MARCHF1: variants seen among roughly 807,000 people sequenced by gnomAD.
MARCHF1 encodes membrane associated ring-CH-type finger 1, also known as E3 ubiquitin-protein ligase MARCHF1.
In MARCHF1, 40 loss-of-function variants were observed where a neutral mutation model predicts 54.2. That is an observed-to-expected ratio of 0.74 (90% CI 0.57 to 0.96). The LOEUF (loss-of-function observed/expected upper bound fraction) is 0.96. Among genes scored for constraint, MARCHF1 ranks in the 40% least tolerant of loss-of-function variants. The probability of loss-of-function intolerance (pLI) is 0.00; values close to 1 mark genes in which losing one functional copy is unlikely to be tolerated. For missense variants in MARCHF1, 586 were observed against 656.5 expected (o/e 0.89, Z 1.17); for synonymous variants, 236 against 236.3 (o/e 1.00, Z 0.01).
At chr4:163,949,932 C>T (rs1752100708) in intron 3 of MARCHF1, among the ~76,000 whole-genome samples, 1 of 152,184 alleles carries the variant, frequency 6.6e-6, no homozygotes, top group Admixed American at 6.5e-5. Context: ...ACGTGGGTAC[C>T]CCCTCTCCAT....
chr4:163,531,636 T>G lies in MARCHF1; in HGVS notation c.1340-2590A>C, dbSNP rs547395537. On this transcript the variant is annotated intron_variant, in intron 9 of 9. Transcript: ENST00000514618. Reference sequence around the variant, plus strand: ...ATAATAAAAGATGATTGAGAAAGAATAAATAAAACTATCTTTGTTCACAAA... The same window carrying G: ...ATAATAAAAGATGATTGAGAAAGAAGAAATAAAACTATCTTTGTTCACAAA... Among the ~76,000 whole-genome samples, 19 of 151,828 alleles carry G rather than the reference T, an allele frequency of 1.3e-4. No individual in the cohort carries two copies. In the South Asian group the frequency reaches 3.9e-3, roughly 31 times the overall value.
intron 1 of MARCHF1, among the ~76,000 whole-genome samples, chr4:164,156,213 A>C (rs1014796007): frequency 6.6e-6 from 1 of 152,092 alleles, no homozygotes; most frequent in African/African-American, 2.4e-5. Context: ...AACTCCAAAA[A>C]ATTTTTCTCG....
chr4:163,989,053 T>A (rs971835362), intron 2 of MARCHF1: 1 of 152,158 alleles, frequency 6.6e-6, no homozygotes, highest in Admixed American at 6.5e-5. Flanking sequence ...GCTGCCGCTT[T>A]GTTTTTGTTT....
chr4:163,651,755 T>C (rs1742975079), intron 5 of MARCHF1, among the ~76,000 whole-genome samples: 1 of 151,688 alleles, frequency 6.6e-6, no homozygotes, highest in Non-Finnish European at 1.5e-5. Context: ...TTGTTACTTT[T>C]TCCTCCTTAG....
At chr4:163,746,102 C>T (rs1746353165) in intron 4 of MARCHF1, among the ~76,000 whole-genome samples, 1 of 152,216 alleles carries the variant, frequency 6.6e-6, no homozygotes, top group Non-Finnish European at 1.5e-5. Context: ...GACATAGATC[C>T]ATCTTTACAG....
chr4:164,250,593 T>C (rs1383198425), intron 1 of MARCHF1, among the ~76,000 whole-genome samples: 1 of 152,082 alleles, frequency 6.6e-6, no homozygotes, highest in East Asian at 1.9e-4. Context: ...ATGTGGCATT[T>C]TAATTATATT....
chr4:163,732,758 T>C (rs1312648722), intron 4 of MARCHF1, among the ~76,000 whole-genome samples: 1 of 152,098 alleles, frequency 6.6e-6, no homozygotes. Context: ...AACTATACTT[T>C]TACCCAGTAA....
chr4:164,181,744 TAAATA>T (rs1459755095), intron 1 of MARCHF1, among the ~76,000 whole-genome samples: 2 of 152,188 alleles, frequency 1.3e-5, no homozygotes, highest in African/African-American at 4.8e-5. Context: ...AGATTTTCTA[TAAATA>T]AAATTATTCT....
chr4:163,924,377 C>T (rs963923346), intron 3 of MARCHF1, among the ~76,000 whole-genome samples: 2 of 151,968 alleles, frequency 1.3e-5, no homozygotes, highest in African/African-American at 4.8e-5. Context: ...AAGAGGCAGA[C>T]TTGCATGTAA....
At position 164,346,086 on chromosome 4, in the gene MARCHF1, C is replaced by T. The variant is rs181826811; in HGVS notation, c.-323+37784G>A. 2.0e-3 allele frequency among the ~76,000 whole-genome samples: 298 copies of T among 152,286 alleles called. 1 individual carries two copies. Among genetic ancestry groups the T allele is most frequent in the African/African-American group, 6.8e-3 (284 of 41,580 alleles). ...ACAAATTCACCACTCTGGTTAAGAG[C>T]TGACATGGCAAATGTGCAGCTTATG... On this transcript the variant is annotated intron_variant, in intron 1 of 9. Transcript: ENST00000514618.
chr4:164,231,507 CAT>C (rs1732413317), intron 1 of MARCHF1, among the ~76,000 whole-genome samples: 2 of 152,102 alleles, frequency 1.3e-5, no homozygotes, highest in Non-Finnish European at 2.9e-5. Flanking sequence ...AAACGGTTAA[CAT>C]GACATCTTTT....
chr4:164,374,467 A>G (rs4691969), intron 1 of MARCHF1, among the ~76,000 whole-genome samples: 63,727 of 151,922 alleles, frequency 0.42, 14,144 homozygotes, highest in Non-Finnish European at 0.49. Context: ...ATTACTGGGT[A>G]ATGTATGTTT....
intron 1 of MARCHF1, among the ~76,000 whole-genome samples, chr4:164,348,619 A>G (rs1177842629): frequency 6.6e-6 from 1 of 152,222 alleles, no homozygotes; most frequent in Non-Finnish European, 1.5e-5. Flanking sequence ...AAAGTCCATG[A>G]GAAGTTAATA....
intron 4 of MARCHF1, among the ~76,000 whole-genome samples, chr4:163,713,607 C>T (rs1745171367): frequency 6.6e-6 from 1 of 152,098 alleles, no homozygotes; most frequent in Admixed American, 6.5e-5. Context: ...GCCTGTATGC[C>T]ATTATATTAA....
intron 1 of MARCHF1, among the ~76,000 whole-genome samples, chr4:164,207,932 C>T (rs1382575470): frequency 2.0e-5 from 3 of 151,942 alleles, no homozygotes; most frequent in African/African-American, 7.3e-5. Flanking sequence ...ACAAGTTTAC[C>T]TATGTAACAA....
chr4:163,590,346 G>T (rs547294450), intron 7 of MARCHF1, among the ~76,000 whole-genome samples: 32 of 150,894 alleles, frequency 2.1e-4, no homozygotes, highest in Non-Finnish European at 4.3e-4. Flanking sequence ...TTTCATTCCT[G>T]CACAGTTTCT....
intron 3 of MARCHF1, among the ~76,000 whole-genome samples, chr4:163,926,884 C>T (rs1751549847): frequency 6.6e-6 from 1 of 151,000 alleles, no homozygotes; most frequent in African/African-American, 2.4e-5. Context: ...TCAGAGAGTG[C>T]TAGCAAAATT....
Position 163,749,614 on chromosome 4 carries a change from G to T in MARCHF1, c.112-48751C>A, listed in dbSNP as rs1268811049. Among the ~76,000 whole-genome samples the T allele has an allele frequency of 2.0e-5, 3 of 151,944 alleles. No homozygotes were observed. The East Asian group carries it at 5.8e-4, about 29-fold the overall frequency. On this transcript the variant is annotated intron_variant, in intron 4 of 9. Transcript: ENST00000514618. ...AATATCTCTTTTCTATTCCTAGTTT[G>T]CTGATAATTTTTGTCATAAATAGCT... is the stretch of plus-strand genomic sequence containing the variant.
chr4:163,872,034 T>C (rs1447521077), intron 3 of MARCHF1, among the ~76,000 whole-genome samples: 1 of 152,218 alleles, frequency 6.6e-6, no homozygotes. Flanking sequence ...AGAAAAAAAT[T>C]AAAACTACTA....
Sources: gnomAD v4.1 joint callset for allele counts (sites outside exome capture counted in the v4.1 genomes callset) on GRCh38, gnomAD v4.1.1 for gene constraint, MANE v1.5 for transcripts, NCBI Gene and HGNC (gene_info 2026-07-23, HGNC 2026-07-21) for gene names.